The following CALCR variants were observed in gnomAD, a reference collection of about 807,000 sequenced individuals.
CALCR encodes calcitonin receptor.
CALCR carries 47 observed loss-of-function variants against 59.5 expected under a neutral mutation model. The ratio of observed to expected loss-of-function variants is 0.79; its 90% CI spans 0.63 to 1.01. The LOEUF (loss-of-function observed/expected upper bound fraction) is 1.01. Among genes scored for constraint, CALCR ranks in the 50% least tolerant of loss-of-function variants. The probability of loss-of-function intolerance (pLI) is 0.00; values close to 1 mark genes in which losing one functional copy is unlikely to be tolerated. For synonymous variants in CALCR, 213 were observed against 211.3 expected (o/e 1.01, Z -0.07); for missense variants, 566 against 597.1 (o/e 0.95, Z 0.54).
At chr7:93,478,190 G>A (rs1244195741) in intron 4 of CALCR, among the ~76,000 whole-genome samples, 1 of 149,594 alleles carries the variant, frequency 6.7e-6, no homozygotes, top group Non-Finnish European at 1.5e-5. Flanking sequence ...TCAGAGTTAT[G>A]TCTAATGCCT....
Position 93,573,878 on chromosome 7 carries a change from C to A in CALCR, c.-27+411G>T, listed in dbSNP as rs529812187. On this transcript the variant is annotated intron_variant, in intron 2 of 13. Coordinates refer to ENST00000426151, the MANE Select transcript of CALCR (RefSeq NM_001742.4). ...GCTCATTTCCAATATCCAGAACAAC[C>A]ATGACACATCTTATAGATGCTGATA... Among the ~76,000 whole-genome samples, 3 of 152,274 alleles carry A rather than the reference C, an allele frequency of 2.0e-5. No individual in the cohort carries two copies. In the South Asian group the frequency reaches 6.2e-4, roughly 32 times the overall value.
chr7:93,539,072 A>G (rs1789063782), intron 2 of CALCR, among the ~76,000 whole-genome samples: 1 of 152,102 alleles, frequency 6.6e-6, no homozygotes, highest in African/African-American at 2.4e-5. Context: ...TTTATTCGGT[A>G]TATGACATTA....
intron 13 of CALCR, among the ~76,000 whole-genome samples, chr7:93,427,336 C>T (rs777877146): frequency 2.6e-5 from 4 of 152,114 alleles, no homozygotes; most frequent in South Asian, 2.1e-4. Context: ...TTTATAGAAA[C>T]GAATTCAATT....
intron 2 of CALCR, among the ~76,000 whole-genome samples, chr7:93,505,801 C>A (rs762265655): frequency 2.0e-5 from 3 of 152,134 alleles, no homozygotes; most frequent in African/African-American, 7.2e-5. Context: ...GGTTAAAAGG[C>A]CACCTGGGAC....
intron 12 of CALCR, among the ~76,000 whole-genome samples, chr7:93,434,770 T>C (rs184981008): frequency 6.6e-6 from 1 of 152,280 alleles, no homozygotes; most frequent in East Asian, 1.9e-4. Context: ...GATAAGGACA[T>C]GGACTAAGAA....
chr7:93,573,408 GC>G (rs1790049371), intron 2 of CALCR, among the ~76,000 whole-genome samples: 1 of 152,112 alleles, frequency 6.6e-6, no homozygotes, highest in Non-Finnish European at 1.5e-5. Context: ...TCAACAAATA[GC>G]CTTACATAGA....
intron 9 of CALCR, among the ~76,000 whole-genome samples, chr7:93,441,302 C>A (rs2237577): frequency 0.16 from 23,680 of 151,852 alleles, 2,168 homozygotes; most frequent in East Asian, 0.34. Context: ...ATAAATCTGG[C>A]AGAAAGTATG....
chr7:93,450,703 G>A (rs1453510431), intron 8 of CALCR, among the ~76,000 whole-genome samples: 1 of 151,756 alleles, frequency 6.6e-6, no homozygotes, highest in Non-Finnish European at 1.5e-5. Context: ...CTCTCTCCAG[G>A]GTCTTCAGAT....
At position 93,573,694 on chromosome 7, in the gene CALCR, G is replaced by A. The variant is rs554438293; in HGVS notation, c.-27+595C>T. ...GCTTTTCTTGATGTCTTTCACCCAG[G>A]CTTGGGAAGAGCATCATGAAAAAGA... On this transcript the variant is annotated intron_variant, in intron 2 of 13. Coordinates refer to ENST00000426151, the MANE Select transcript of CALCR (RefSeq NM_001742.4). 2.6e-5 allele frequency among the ~76,000 whole-genome samples: 4 copies of A among 152,282 alleles called. No homozygotes were observed. The East Asian group carries it at 5.8e-4, about 22-fold the overall frequency.
chr7:93,497,829 C>G (rs1197194131), intron 2 of CALCR, among the ~76,000 whole-genome samples: 1 of 151,474 alleles, frequency 6.6e-6, no homozygotes, highest in South Asian at 2.1e-4. Flanking sequence ...TATTTTTAAG[C>G]ACATAGATGA....
intron 2 of CALCR, among the ~76,000 whole-genome samples, chr7:93,547,530 C>T (rs551112655): frequency 2.6e-5 from 4 of 152,238 alleles, no homozygotes; most frequent in African/African-American, 9.6e-5. Flanking sequence ...ACTCATTCAA[C>T]AGAGAATTTG....
At chr7:93,550,368 A>G (rs1007543919) in intron 2 of CALCR, among the ~76,000 whole-genome samples, 3 of 151,430 alleles carry the variant, frequency 2.0e-5, no homozygotes, top group Admixed American at 1.3e-4. Flanking sequence ...GTGCATGCCT[A>G]TAATCCCAGC....
chr7:93,434,086 G>T lies in CALCR; in HGVS notation c.1191+167C>A, dbSNP rs2072083. ...TTTGCCATTGTACTACACATCCATGGATAAGATTCAGCTTGGAGTAGTGGA... is the reference window on the plus strand; with the variant it reads ...TTTGCCATTGTACTACACATCCATGTATAAGATTCAGCTTGGAGTAGTGGA... On this transcript the variant is annotated intron_variant, in intron 13 of 13. Coordinates refer to ENST00000426151, the MANE Select transcript of CALCR (RefSeq NM_001742.4). Among the ~76,000 whole-genome samples, 33,056 of 152,098 alleles carry T rather than the reference G, an allele frequency of 0.22. 4,026 individuals are homozygous for T. Among genetic ancestry groups the T allele is most frequent in the East Asian group, 0.39 (2,017 of 5,170 alleles).
chr7:93,437,573 T>C (rs1372324480), intron 11 of CALCR, among the ~76,000 whole-genome samples: 4 of 152,294 alleles, frequency 2.6e-5, no homozygotes, highest in South Asian at 2.1e-4. Context: ...GTAAGAACTG[T>C]AGCATCCTCA....
At chr7:93,476,424 G>T (rs749210475) in intron 5 of CALCR, among the ~76,000 whole-genome samples, 1 of 151,396 alleles carries the variant, frequency 6.6e-6, no homozygotes, top group Non-Finnish European at 1.5e-5. Context: ...ATTTAAGTTT[G>T]GTATGTGTGT....
chr7:93,450,094 AT>A (rs1800080221), intron 8 of CALCR, among the ~76,000 whole-genome samples: 1 of 151,980 alleles, frequency 6.6e-6, no homozygotes, highest in African/African-American at 2.4e-5. Context: ...TTTTCCATCT[AT>A]CCTTTCACTT....
At chr7:93,538,916 C>A (rs1179684743) in intron 2 of CALCR, among the ~76,000 whole-genome samples, 5 of 151,962 alleles carry the variant, frequency 3.3e-5, no homozygotes, top group African/African-American at 1.2e-4. Flanking sequence ...CTCTAGGTGA[C>A]ACTGATATAT....
At chr7:93,428,703 C>A (rs1182150583) in intron 13 of CALCR, among the ~76,000 whole-genome samples, 1 of 149,268 alleles carries the variant, frequency 6.7e-6, no homozygotes, top group Non-Finnish European at 1.5e-5. Flanking sequence ...AGGAGAATGG[C>A]ATGAACCTGG....
intron 3 of CALCR, chr7:93,484,101 C>A: frequency 2.3e-6 from 1 of 427,662 alleles, no homozygotes; most frequent in Non-Finnish European, 5.2e-6. Context: ...ATGTCAGGCA[C>A]TCTTCTAGGT....
Sources: allele counts gnomAD v4.1 joint callset (sites outside exome capture counted in the v4.1 genomes callset), GRCh38; gene constraint gnomAD v4.1.1; transcripts MANE v1.5; gene names NCBI Gene and HGNC (gene_info 2026-07-23, HGNC 2026-07-21).